The following CELF4 variants were observed in gnomAD, a reference collection of about 807,000 sequenced individuals.
CELF4 encodes CUGBP Elav-like family member 4, also known as CUG-BP- and ETR-3-like factor 4.
CELF4 carries 18 observed loss-of-function variants against 59.9 expected under a neutral mutation model. The observed-to-expected ratio is 0.30, with a 90% confidence interval of 0.21 to 0.45. The LOEUF (loss-of-function observed/expected upper bound fraction) is 0.45. CELF4 is among the 20% of genes least tolerant of loss of function. CELF4 has a pLI of 1.00. For missense variants in CELF4, 456 were observed against 689.0 expected (o/e 0.66, Z 3.79); for synonymous variants, 261 against 267.1 (o/e 0.98, Z 0.22).
Position 37,321,683 on chromosome 18 carries a change from C to T in CELF4, c.448+120G>A, listed in dbSNP as rs979016508. 52 of 694,104 alleles carry T rather than the reference C, an allele frequency of 7.5e-5. 1 individual carries two copies. Among genetic ancestry groups the T allele is most frequent in the Middle Eastern group, 4.0e-4 (1 of 2,498 alleles). 43.0% of individuals were successfully genotyped at this position (694,104 alleles called of 1,614,324 possible). On this transcript the variant is annotated intron_variant, in intron 3 of 12. Coordinates refer to ENST00000420428, the MANE Select transcript of CELF4 (RefSeq NM_020180.4). ...AAGCTCTGTCCCCAACCCTCAGCCACGAGATCCCCAGAGGGGCAAGAGGAG... is the reference window on the plus strand; with the variant it reads ...AAGCTCTGTCCCCAACCCTCAGCCATGAGATCCCCAGAGGGGCAAGAGGAG...
chr18:37,488,891 G>T (rs2099889474), intron 1 of CELF4, among the ~76,000 whole-genome samples: 1 of 152,158 alleles, frequency 6.6e-6, no homozygotes, highest in South Asian at 2.1e-4. Context: ...CCCTTCCCAG[G>T]CAGGGCCCAC....
At chr18:37,521,049 T>G (rs1455082993) in intron 1 of CELF4, among the ~76,000 whole-genome samples, 3 of 64,128 alleles carry the variant, frequency 4.7e-5, no homozygotes, top group East Asian at 8.0e-4. Context: ...GCCTAGGGGA[T>G]GGGATGTGGG....
Position 37,485,612 on chromosome 18 carries a change from G to A in CELF4, c.287-5C>T. 1 of 1,444,588 alleles carries A rather than the reference G, an allele frequency of 6.9e-7. No individual in the cohort carries two copies. The allele number at this position is 1,444,588 out of a possible 1,614,324, so 89.5% of individuals were successfully genotyped here. A position where few individuals can be genotyped will look rare whatever the true frequency, so the allele number is the denominator to read the frequency against. On this transcript the variant is annotated splice_region_variant and splice_polypyrimidine_tract_variant and intron_variant, in intron 1 of 12. Coordinates refer to ENST00000420428, the MANE Select transcript of CELF4 (RefSeq NM_020180.4). ...AGTAGGTGAGGAAGGCGCAGCCTGG[G>A]GAGGAAAGCAAGCGCCAAGAAGGGT...
At chr18:37,369,653 G>C (rs1275886744) in intron 2 of CELF4, among the ~76,000 whole-genome samples, 1 of 152,200 alleles carries the variant, frequency 6.6e-6, no homozygotes, top group African/African-American at 2.4e-5. Flanking sequence ...CCACTCAACA[G>C]CTCAAAGACA....
At chr18:37,259,105 T>C (rs749434272) in intron 11 of CELF4, 76 bp downstream of exon 11, 32 of 1,607,530 alleles carry the variant, frequency 2.0e-5, no homozygotes, top group Non-Finnish European at 2.6e-5. Flanking sequence ...CTAATTGGTT[T>C]GTTATCTTTA....
chr18:37,412,844 G>A lies in CELF4; in HGVS notation c.369+72681C>T, dbSNP rs185317357. On this transcript the variant is annotated intron_variant, in intron 2 of 12. Transcript: ENST00000420428. Reference sequence around the variant, plus strand: ...CTTTCAGGTGTTGACTGGACTGAGCGGCTGCCACTCCCCGCGCCAATGTGT... The same window carrying A: ...CTTTCAGGTGTTGACTGGACTGAGCAGCTGCCACTCCCCGCGCCAATGTGT... Among the ~76,000 whole-genome samples the A allele has an allele frequency of 3.6e-4, 55 of 152,110 alleles. No individual in the cohort carries two copies. In the East Asian group the frequency reaches 7.4e-3, roughly 20 times the overall value.
intron 2 of CELF4, among the ~76,000 whole-genome samples, chr18:37,480,706 G>A (rs2154602980): frequency 6.6e-6 from 1 of 152,226 alleles, no homozygotes; most frequent in East Asian, 1.9e-4. Flanking sequence ...GGGTTGAGGT[G>A]GGGTGGGCCA....
intron 1 of CELF4, among the ~76,000 whole-genome samples, chr18:37,543,811 T>C (rs1343130284): frequency 6.6e-6 from 1 of 152,192 alleles, no homozygotes; most frequent in Admixed American, 6.5e-5. Flanking sequence ...TGGGGACCAA[T>C]TGATGGCCCC....
At position 37,243,766 on chromosome 18, in the gene CELF4, T is replaced by G. The variant is rs1449063947; in HGVS notation, c.*1476A>C. On this transcript the variant is annotated 3_prime_UTR_variant, in exon 13 of 13. Coordinates refer to ENST00000420428, the MANE Select transcript of CELF4 (RefSeq NM_020180.4). ...TCTCTTTTTTAAGGTTTTGTGTGTG[T>G]GTGTGTTGTCTAGTTGTTTTAAGAT... The G allele has an allele frequency of 3.9e-5, 6 of 154,988 alleles. No homozygotes were observed. Among genetic ancestry groups the G allele is most frequent in the African/African-American group, 1.4e-4 (6 of 41,520 alleles). 9.6% of individuals were successfully genotyped at this position (154,988 alleles called of 1,614,324 possible).
chr18:37,459,468 C>G (rs1215255500), intron 2 of CELF4, among the ~76,000 whole-genome samples: 4 of 152,222 alleles, frequency 2.6e-5, no homozygotes, highest in Non-Finnish European at 5.9e-5. Flanking sequence ...CATCTACTCA[C>G]TCTCTTCTTA....
intron 2 of CELF4, among the ~76,000 whole-genome samples, chr18:37,380,334 G>C (rs1434172096): frequency 2.0e-5 from 3 of 152,054 alleles, no homozygotes; most frequent in African/African-American, 7.2e-5. Flanking sequence ...TATGCCTCAG[G>C]TTGAAGGTCT....
chr18:37,485,649 C>T (rs1249600570), intron 1 of CELF4, 42 bp from the exon 2 acceptor site: 3 of 1,306,510 alleles, frequency 2.3e-6, no homozygotes, highest in South Asian at 2.0e-5. Flanking sequence ...AGTGGGGCGC[C>T]CCCGGGCCCG....
chr18:37,272,748 T>C (rs2091908531), intron 7 of CELF4, among the ~76,000 whole-genome samples: 1 of 152,172 alleles, frequency 6.6e-6, no homozygotes, highest in South Asian at 2.1e-4. Flanking sequence ...AGATACATTG[T>C]TTCCTGATAA....
chr18:37,251,256 C>A (rs2154266923), intron 12 of CELF4, among the ~76,000 whole-genome samples: 1 of 152,214 alleles, frequency 6.6e-6, no homozygotes, highest in East Asian at 1.9e-4. Context: ...GTGTGAAGGT[C>A]TAGGGTTCTA....
At chr18:37,395,385 A>G (rs2099230951) in intron 2 of CELF4, among the ~76,000 whole-genome samples, 1 of 151,968 alleles carries the variant, frequency 6.6e-6, no homozygotes, top group Non-Finnish European at 1.5e-5. Context: ...TCTCCCTTCC[A>G]GGCTCTTGCA....
intron 2 of CELF4, among the ~76,000 whole-genome samples, chr18:37,349,711 C>G (rs573068982): frequency 3.3e-4 from 50 of 152,292 alleles, no homozygotes; most frequent in African/African-American, 1.2e-3. Context: ...AACCACAGAG[C>G]TGTGAGTGAC....
intron 2 of CELF4, among the ~76,000 whole-genome samples, chr18:37,420,539 C>T (rs575808620): frequency 3.3e-5 from 5 of 152,170 alleles, no homozygotes; most frequent in Non-Finnish European, 7.3e-5. Flanking sequence ...GTGCTGGGAG[C>T]ACTGGGTGGA....
At chr18:37,379,758 A>C (rs2099014894) in intron 2 of CELF4, among the ~76,000 whole-genome samples, 1 of 152,176 alleles carries the variant, frequency 6.6e-6, no homozygotes, top group Admixed American at 6.5e-5. Flanking sequence ...ACATGAGCAG[A>C]GCTGGAGAGG....
In CELF4 at chr18:37,509,030, C is replaced by T. The variant is rs868327167; in HGVS notation, c.287-23423G>A. Among the ~76,000 whole-genome samples the T allele has an allele frequency of 4.6e-5, 7 of 152,300 alleles. No individual in the cohort carries two copies. The South Asian group carries it at 8.3e-4, about 18-fold the overall frequency. On this transcript the variant is annotated intron_variant, in intron 1 of 12. Coordinates refer to ENST00000420428, the MANE Select transcript of CELF4 (RefSeq NM_020180.4). Reference sequence around the variant, plus strand: ...GTCTTCCCAGCTCAAAGCCCCATCTCGATTGTTCTGGGATGTCATCAGTCT... The same window carrying T: ...GTCTTCCCAGCTCAAAGCCCCATCTTGATTGTTCTGGGATGTCATCAGTCT...
Sources: allele counts gnomAD v4.1 joint callset (sites outside exome capture counted in the v4.1 genomes callset), GRCh38; gene constraint gnomAD v4.1.1; transcripts MANE v1.5; gene names NCBI Gene and HGNC (gene_info 2026-07-23, HGNC 2026-07-21).